Variants in ABHD12B observed in about 807,000 individuals in gnomAD.
ABHD12B encodes the protein protein ABHD12B.
A neutral mutation model predicts 50.4 loss-of-function variants in ABHD12B; 42 were observed. The ratio of observed to expected loss-of-function variants is 0.83; its 90% CI spans 0.65 to 1.08. The LOEUF (loss-of-function observed/expected upper bound fraction) is 1.08. Ranked by LOEUF, ABHD12B falls within the 50% of genes least tolerant of loss-of-function variation. The pLI is 0.00. For missense variants in ABHD12B, 479 were observed against 447.7 expected (o/e 1.07, Z -0.63); for synonymous variants, 167 against 160.3 (o/e 1.04, Z -0.32).
rs1216013783 is a variant in ABHD12B at position 50,904,561 on chromosome 14, A to C, written c.*195A>C. 3.1e-5 allele frequency: 21 copies of C among 685,580 alleles called. No homozygotes were observed. Among genetic ancestry groups the C allele is most frequent in the Middle Eastern group, 3.7e-4 (1 of 2,686 alleles). 42.5% of individuals were successfully genotyped at this position (685,580 alleles called of 1,614,324 possible). A position where few individuals can be genotyped will look rare whatever the true frequency, so the allele number is the denominator to read the frequency against. ...GGAATGTTCTTATTTAGCTTATCAT[A>C]ATCTACTTTGTAAAACATGCTGAAA... On this transcript the variant is annotated 3_prime_UTR_variant, in exon 13 of 13. Coordinates refer to ENST00000337334, the MANE Select transcript of ABHD12B (RefSeq NM_001206673.2).
intron 10 of ABHD12B, among the ~76,000 whole-genome samples, 175 bp from the exon 11 acceptor site, chr14:50,903,214 A>G (rs966049052): frequency 2.6e-5 from 4 of 152,204 alleles, no homozygotes; most frequent in African/African-American, 9.6e-5. Context: ...GCATGGAGAA[A>G]AAAAGCTACT....
chr14:50,894,981 C>T (rs535935904), intron 9 of ABHD12B, among the ~76,000 whole-genome samples: 7 of 148,788 alleles, frequency 4.7e-5, no homozygotes, highest in East Asian at 1.9e-4. Flanking sequence ...AGCCCTCCCC[C>T]ACCTGCCCAG....
At chr14:50,894,035 G>A (rs1356440534) in intron 9 of ABHD12B, among the ~76,000 whole-genome samples, 3 of 152,220 alleles carry the variant, frequency 2.0e-5, no homozygotes, top group African/African-American at 7.2e-5. Context: ...ACCACGCAGG[G>A]ACGCCTGCCT....
chr14:50,892,342 G>C (rs1223341920), intron 9 of ABHD12B: 11 of 886,096 alleles, frequency 1.2e-5, no homozygotes, highest in Non-Finnish European at 1.5e-5. Flanking sequence ...AATGAGGGTA[G>C]TAGCACTGGA....
At chr14:50,874,869 A>G (rs1268382024) in intron 1 of ABHD12B, among the ~76,000 whole-genome samples, 1 of 152,272 alleles carries the variant, frequency 6.6e-6, no homozygotes, top group Non-Finnish European at 1.5e-5. Context: ...TGTGGAGCAC[A>G]CATTGATTCA....
chr14:50,885,625 T>C lies in ABHD12B; in HGVS notation c.498T>C (p.Asp166=). The change falls in exon 6 of 13, where the codon GAT becomes GAC. Residue 166 remains aspartate, a synonymous_variant. Transcript: ENST00000337334. ...HRLKLVKVLS[D]GGFHVLSVDY... ...CCTTTGTTACCTAGGTGCTGAGTGA[T>C]GGTGGCTTTCATGTCTTGTCTGTTG... 1 of 1,614,210 alleles carries C rather than the reference T, an allele frequency of 6.2e-7. No individual in the cohort carries two copies. The highest frequency in any genetic ancestry group is 8.5e-7 in the Non-Finnish European group (1 of 1,180,050).
At chr14:50,902,960 C>G (rs2050279544) in intron 10 of ABHD12B, among the ~76,000 whole-genome samples, 2 of 152,166 alleles carry the variant, frequency 1.3e-5, no homozygotes, top group African/African-American at 4.8e-5. Context: ...GTCTCTGATT[C>G]TGTCATAGTT....
intron 8 of ABHD12B, among the ~76,000 whole-genome samples, chr14:50,887,699 A>T (rs1042858646): frequency 1.3e-5 from 2 of 152,162 alleles, no homozygotes; most frequent in South Asian, 4.1e-4. Context: ...TATGGTAGGG[A>T]CAGATCACCT....
At position 50,886,700 on chromosome 14, in the gene ABHD12B, T is replaced by A. The variant is rs2050043027; in HGVS notation, c.700+16T>A. Reference sequence around the variant, plus strand: ...GAAGAAAAAGGTAATATAAAATGCTTAAGTGGTATAATTTCCCATCTTCAG... The same window carrying A: ...GAAGAAAAAGGTAATATAAAATGCTAAAGTGGTATAATTTCCCATCTTCAG... On this transcript the variant is annotated intron_variant, in intron 8 of 12. Transcript: ENST00000337334. The A allele has an allele frequency of 6.2e-7, 1 of 1,601,276 alleles. No individual in the cohort carries two copies. Among genetic ancestry groups the A allele is most frequent in the African/African-American group, 1.3e-5 (1 of 74,742 alleles).
Position 50,904,425 on chromosome 14 carries a change from T to C in ABHD12B, c.*59T>C, listed in dbSNP as rs1385919650. Reference sequence around the variant, plus strand: ...TGGCCCAAACACCACCTGTGATGTATATTGTTCTAATGTAAAATTGTACTG... The same window carrying C: ...TGGCCCAAACACCACCTGTGATGTACATTGTTCTAATGTAAAATTGTACTG... On this transcript the variant is annotated 3_prime_UTR_variant, in exon 13 of 13. Coordinates refer to ENST00000337334, the MANE Select transcript of ABHD12B (RefSeq NM_001206673.2). The C allele has an allele frequency of 4.4e-6, 7 of 1,607,926 alleles. No homozygotes were observed. In the Admixed American group the frequency reaches 1.0e-4, roughly 23 times the overall value.
intron 9 of ABHD12B, among the ~76,000 whole-genome samples, chr14:50,897,739 A>AGTT (rs1008295815): frequency 2.0e-5 from 3 of 152,184 alleles, no homozygotes; most frequent in Admixed American, 6.5e-5. Context: ...TTTCTCCCTA[A>AGTT]GTTTTCCCAT....
chr14:50,891,408 A>G (rs927854059), intron 9 of ABHD12B: 2 of 152,138 alleles, frequency 1.3e-5, no homozygotes, highest in African/African-American at 4.8e-5. Context: ...ATGCCTGGCT[A>G]ATTTTTCTGT....
At chr14:50,896,779 GA>G (rs1159851122) in intron 9 of ABHD12B, among the ~76,000 whole-genome samples, 4 of 152,006 alleles carry the variant, frequency 2.6e-5, no homozygotes, top group African/African-American at 9.6e-5. Context: ...TCCCTTGGCT[GA>G]CTCTCTTTGC....
rs59924695 is a variant in ABHD12B at position 50,887,211 on chromosome 14, CA to C, written c.700+545del. 2.7e-3 allele frequency among the ~76,000 whole-genome samples: 118 copies of C among 43,630 alleles called. 1 individual carries two copies. Among genetic ancestry groups the C allele is most frequent in the African/African-American group, 4.1e-3 (40 of 9,700 alleles). 28.6% of individuals were successfully genotyped at this position (43,630 alleles called of 152,430 possible). A position where few individuals can be genotyped will look rare whatever the true frequency, so the allele number is the denominator to read the frequency against. ...TGGGCGACAGAGCAAGAGTCTGTCT[CA>C]AAAAAAAAAAAAAAAAAGAGTCCTC... On this transcript the variant is annotated intron_variant, in intron 8 of 12. Coordinates refer to ENST00000337334, the MANE Select transcript of ABHD12B (RefSeq NM_001206673.2).
At chr14:50,873,398 A>G (rs572731192) in intron 1 of ABHD12B, among the ~76,000 whole-genome samples, 1 of 151,496 alleles carries the variant, frequency 6.6e-6, no homozygotes, top group Non-Finnish European at 1.5e-5. Flanking sequence ...TTGTGTAGAT[A>G]TGGGTTTTCA....
Position 50,904,458 on chromosome 14 carries a change from C to T in ABHD12B, c.*92C>T, listed in dbSNP as rs376900122. On this transcript the variant is annotated 3_prime_UTR_variant, in exon 13 of 13. Transcript: ENST00000337334. ...TAATGTAAAATTGTACTGGGCTGGTCGGATGAGCTGAGGCCATTGACTTCT... is the reference window on the plus strand; with the variant it reads ...TAATGTAAAATTGTACTGGGCTGGTTGGATGAGCTGAGGCCATTGACTTCT... 114 of 1,538,744 alleles carry T rather than the reference C, an allele frequency of 7.4e-5. 2 individuals carry two copies. In the South Asian group the frequency reaches 1.0e-3, roughly 14 times the overall value.
intron 1 of ABHD12B, among the ~76,000 whole-genome samples, chr14:50,873,034 C>A (rs2049807509): frequency 6.6e-6 from 1 of 152,158 alleles, no homozygotes; most frequent in Non-Finnish European, 1.5e-5. Flanking sequence ...ACCCAGGACA[C>A]GTGGGTATTT....
intron 10 of ABHD12B, among the ~76,000 whole-genome samples, chr14:50,902,122 A>G (rs964972045): frequency 2.6e-5 from 4 of 152,200 alleles, no homozygotes; most frequent in African/African-American, 7.2e-5. Context: ...GTCTAATTCA[A>G]TGACTTCACC....
intron 1 of ABHD12B, among the ~76,000 whole-genome samples, 190 bp downstream of exon 1, chr14:50,872,468 A>G (rs565247877): frequency 2.9e-4 from 44 of 152,232 alleles, no homozygotes; most frequent in Non-Finnish European, 5.3e-4. Context: ...TGCCCTTGCT[A>G]TCCTCAGCCT....
Sources: allele counts gnomAD v4.1 joint callset (sites outside exome capture counted in the v4.1 genomes callset), GRCh38; gene constraint gnomAD v4.1.1; transcripts MANE v1.5; gene names NCBI Gene and HGNC (gene_info 2026-07-23, HGNC 2026-07-21).